Variants in EXOC4 observed in about 807,000 individuals in gnomAD.
EXOC4 encodes SEC8-like 1.
Under a neutral mutation model 107.2 loss-of-function variants are expected in EXOC4, and 71 were observed. The observed-to-expected ratio is 0.66, with a 90% confidence interval of 0.55 to 0.81. EXOC4 has a LOEUF of 0.81. Among genes scored for constraint, EXOC4 ranks in the 30% least tolerant of loss-of-function variants. The pLI is 0.00. For missense variants in EXOC4, 1,108 were observed against 1,189.6 expected (o/e 0.93, Z 1.01); for synonymous variants, 456 against 441.2 (o/e 1.03, Z -0.42).
chr7:133,334,220 C>T (rs1795457518), intron 5 of EXOC4, among the ~76,000 whole-genome samples: 1 of 152,118 alleles, frequency 6.6e-6, no homozygotes, highest in African/African-American at 2.4e-5. Context: ...GTCACTTTTC[C>T]ATCTCTATCT....
chr7:133,404,454 C>G (rs1797166162), intron 7 of EXOC4, among the ~76,000 whole-genome samples: 2 of 152,222 alleles, frequency 1.3e-5, no homozygotes, highest in East Asian at 3.9e-4. Context: ...ACATGGCACA[C>G]AAGGCCTTCC....
At chr7:134,083,341 G>C in the EXOC4 span, among the ~76,000 whole-genome samples, 1 of 152,170 alleles carries the variant, frequency 6.6e-6, no homozygotes, top group Non-Finnish European at 1.5e-5. Context: ...TCATGTCTAA[G>C]GCAGACTCTC....
chr7:133,457,254 C>T (rs1272186162), intron 7 of EXOC4, among the ~76,000 whole-genome samples: 3 of 152,058 alleles, frequency 2.0e-5, no homozygotes, highest in South Asian at 2.1e-4. Context: ...ATGAGAGGCC[C>T]GTGGTGTATG....
chr7:133,473,210 G>A (rs973355809), intron 7 of EXOC4, among the ~76,000 whole-genome samples: 10 of 152,160 alleles, frequency 6.6e-5, no homozygotes, highest in Non-Finnish European at 1.0e-4. Context: ...GTTGTTACTA[G>A]AGACCCAACT....
At chr7:133,749,870 C>T (rs1426708793) in intron 10 of EXOC4, among the ~76,000 whole-genome samples, 1 of 151,388 alleles carries the variant, frequency 6.6e-6, no homozygotes, top group Non-Finnish European at 1.5e-5. Context: ...TTTTACAGTA[C>T]CTTGAGGTTC....
chr7:133,518,160 C>G (rs1484132237), intron 9 of EXOC4, among the ~76,000 whole-genome samples: 1 of 151,976 alleles, frequency 6.6e-6, no homozygotes, highest in Admixed American at 6.6e-5. Context: ...ATCATATTTG[C>G]TAGTATCCTG....
chr7:134,092,680 A>C, the EXOC4 span, among the ~76,000 whole-genome samples: 546 of 152,288 alleles, frequency 3.6e-3, 19 homozygotes, highest in Non-Finnish European at 1.3e-3. Context: ...CGTTACCACT[A>C]TACTAGCCTT....
intron 6 of EXOC4, among the ~76,000 whole-genome samples, chr7:133,366,287 G>A (rs907786614): frequency 6.6e-6 from 1 of 151,972 alleles, no homozygotes; most frequent in African/African-American, 2.4e-5. Flanking sequence ...CTTTTTTCAT[G>A]GTAGCACTTG....
intron 9 of EXOC4, among the ~76,000 whole-genome samples, chr7:133,569,727 T>C (rs1800979538): frequency 6.6e-6 from 1 of 152,218 alleles, no homozygotes; most frequent in African/African-American, 2.4e-5. Flanking sequence ...AATATTTAAC[T>C]ATCCTTCAAA....
intron 11 of EXOC4, among the ~76,000 whole-genome samples, chr7:133,884,668 A>G (rs944624393): frequency 6.6e-6 from 1 of 151,834 alleles, no homozygotes. Context: ...AGTCATAGAC[A>G]TATTTCTCTG....
At chr7:134,047,008 C>T (rs1795671527) in intron 17 of EXOC4, among the ~76,000 whole-genome samples, 1 of 152,194 alleles carries the variant, frequency 6.6e-6, no homozygotes. Flanking sequence ...AACACGCCTA[C>T]CTCCTCACTG....
chr7:134,063,563 G>GGTAA (rs370453810), intron 17 of EXOC4, among the ~76,000 whole-genome samples: 8 of 152,196 alleles, frequency 5.3e-5, no homozygotes, highest in African/African-American at 1.9e-4. Context: ...TGGAGTGAGG[G>GGTAA]GTAAGTGGCA....
chr7:133,988,244 T>C (rs1170408046), intron 14 of EXOC4, among the ~76,000 whole-genome samples: 1 of 152,190 alleles, frequency 6.6e-6, no homozygotes, highest in Non-Finnish European at 1.5e-5. Flanking sequence ...AAACTATATT[T>C]CTGTTAGATT....
intron 6 of EXOC4, among the ~76,000 whole-genome samples, chr7:133,372,736 G>A (rs1405431532): frequency 6.6e-6 from 1 of 152,180 alleles, no homozygotes; most frequent in Non-Finnish European, 1.5e-5. Context: ...AGAACTTCAT[G>A]CCATTGGGAC....
At chr7:133,779,917 C>T (rs1184664930) in intron 10 of EXOC4, among the ~76,000 whole-genome samples, 1 of 152,200 alleles carries the variant, frequency 6.6e-6, no homozygotes, top group East Asian at 1.9e-4. Flanking sequence ...CTGCTTCTCA[C>T]TCTTTGGGTC....
intron 10 of EXOC4, among the ~76,000 whole-genome samples, chr7:133,797,070 C>A (rs981898842): frequency 7.2e-5 from 11 of 152,166 alleles, no homozygotes; most frequent in Admixed American, 7.2e-4. Context: ...AATGCAGAAA[C>A]CACCACACAG....
chr7:133,265,056 A>G (rs955515036), intron 1 of EXOC4, among the ~76,000 whole-genome samples: 5 of 152,186 alleles, frequency 3.3e-5, no homozygotes, highest in Non-Finnish European at 7.3e-5. Flanking sequence ...CAGTTTGGGA[A>G]AGAAAACAGG....
intron 11 of EXOC4, among the ~76,000 whole-genome samples, chr7:133,865,334 T>G (rs1168420877): frequency 6.6e-6 from 1 of 152,236 alleles, no homozygotes; most frequent in Non-Finnish European, 1.5e-5. Context: ...TCCAGGGTCC[T>G]CTCAAGTATT....
intron 7 of EXOC4, among the ~76,000 whole-genome samples, chr7:133,467,372 C>T (rs1392468046): frequency 2.6e-5 from 4 of 151,728 alleles, no homozygotes; most frequent in African/African-American, 7.3e-5. Context: ...CTGTCTTGGT[C>T]GGTTGTCTCT....
Sources: allele counts gnomAD v4.1 joint callset (sites outside exome capture counted in the v4.1 genomes callset), GRCh38; gene constraint gnomAD v4.1.1; transcripts MANE v1.5; gene names NCBI Gene and HGNC (gene_info 2026-07-23, HGNC 2026-07-21).